The following CSNK2A1 variants were observed in gnomAD, a reference collection of about 807,000 sequenced individuals.
The protein encoded by CSNK2A1 is casein kinase 2 alpha 1.
Under a neutral mutation model 62.9 loss-of-function variants are expected in CSNK2A1, and 10 were observed. The ratio of observed to expected loss-of-function variants is 0.16; its 90% CI spans 0.10 to 0.27. CSNK2A1 has a LOEUF of 0.27. CSNK2A1 is among the 10% of genes least tolerant of loss of function. The pLI is 1.00. For missense variants in CSNK2A1, 160 were observed against 492.0 expected, an observed-to-expected ratio of 0.33 and a Z score of 6.38; for synonymous variants, 124 against 167.8, an observed-to-expected ratio of 0.74 and a Z score of 2.02.
intron 1 of CSNK2A1, among the ~76,000 whole-genome samples, chr20:533,880 G>A (rs2019261343): frequency 6.6e-6 from 1 of 152,182 alleles, no homozygotes; most frequent in Non-Finnish European, 1.5e-5. Context: ...ACACCTAAGA[G>A]AAATCGGAAT....
chr20:504,701 C>T (rs1207375475), intron 4 of CSNK2A1: 11 of 165,522 alleles, frequency 6.6e-5, no homozygotes, highest in Non-Finnish European at 1.3e-5. Context: ...TAAGCAAGGG[C>T]AATTACACCC....
At chr20:512,099 G>A (rs2018734711) in intron 2 of CSNK2A1, among the ~76,000 whole-genome samples, 1 of 152,074 alleles carries the variant, frequency 6.6e-6, no homozygotes, top group South Asian at 2.1e-4. Flanking sequence ...CTTATGCCCA[G>A]GCTGGTCTTG....
chr20:521,792 T>C (rs916756846), intron 2 of CSNK2A1, among the ~76,000 whole-genome samples: 4 of 152,234 alleles, frequency 2.6e-5, no homozygotes, highest in Non-Finnish European at 5.9e-5. Context: ...TCTCGCTTTG[T>C]TGCCCAGGCT....
chr20:510,173 CTT>C (rs1291875716), intron 2 of CSNK2A1: 28 of 137,070 alleles, frequency 2.0e-4, no homozygotes, highest in Non-Finnish European at 2.2e-4. Flanking sequence ...TATACCTATT[CTT>C]TTTTTTTTTT....
intron 2 of CSNK2A1, among the ~76,000 whole-genome samples, chr20:519,315 CCCAGAAGCAATCAGACACAATCAAATT>C (rs1479349000): frequency 3.3e-5 from 5 of 152,146 alleles, no homozygotes; most frequent in Non-Finnish European, 7.4e-5. Context: ...TTGAAAATAT[CCCAGAAGCAATCAGACACAATCAAATT>C]CCAGAAGCAA....
rs1277387258 is a variant in CSNK2A1 at position 473,020 on chromosome 20, A to T, written c.*10941T>A. On this transcript the variant is annotated 3_prime_UTR_variant, in exon 14 of 14. Transcript: ENST00000217244. ...AAGACCTTGTCTCTAAAAAGTAAAT[A>T]AAAAAAAGAGTTGGGCTAGGTTTGA... 3.3e-5 allele frequency: 5 copies of T among 152,170 alleles called. No homozygotes were observed. The highest frequency in any genetic ancestry group is 4.1e-4 in the South Asian group (2 of 4,824). The allele number at this position is 152,170 out of a possible 1,614,324, so 9.4% of individuals were successfully genotyped here. A position where few individuals can be genotyped will look rare whatever the true frequency, so the allele number is the denominator to read the frequency against.
chr20:491,649 C>G (rs948275119), intron 9 of CSNK2A1, among the ~76,000 whole-genome samples: 2 of 152,080 alleles, frequency 1.3e-5, no homozygotes, highest in Admixed American at 1.3e-4. Flanking sequence ...CCAGCCTGGG[C>G]AACAGAGCAA....
At chr20:489,948 T>A in intron 9 of CSNK2A1, 67 bp from the exon 10 acceptor site, 7 of 1,272,930 alleles carry the variant, frequency 5.5e-6, no homozygotes, top group South Asian at 1.9e-5. Flanking sequence ...AAATAAAAAA[T>A]TAATTTTTAA....
chr20:492,794 A>G (rs1210879107), intron 8 of CSNK2A1: 4 of 162,474 alleles, frequency 2.5e-5, no homozygotes, highest in Admixed American at 2.4e-4. Context: ...TATGGACGAC[A>G]AGCTCCTTAG....
chr20:540,622 C>T (rs941018225), intron 1 of CSNK2A1, among the ~76,000 whole-genome samples: 22 of 152,310 alleles, frequency 1.4e-4, no homozygotes, highest in Middle Eastern at 3.4e-3. Flanking sequence ...GCAGCCTTGA[C>T]TTCCTGGGCT....
At chr20:523,928 G>A (rs1407772797) in intron 2 of CSNK2A1, among the ~76,000 whole-genome samples, 1 of 151,176 alleles carries the variant, frequency 6.6e-6, no homozygotes. Context: ...ATTAGGGGTG[G>A]GAGGCTAGGT....
chr20:533,214 A>G (rs573415619), intron 1 of CSNK2A1, among the ~76,000 whole-genome samples: 1 of 152,258 alleles, frequency 6.6e-6, no homozygotes, highest in South Asian at 2.1e-4. Context: ...TATACAATGA[A>G]TAAGAAAACT....
intron 2 of CSNK2A1, among the ~76,000 whole-genome samples, chr20:521,517 A>G (rs1341300250): frequency 6.6e-6 from 1 of 152,230 alleles, no homozygotes; most frequent in Non-Finnish European, 1.5e-5. Flanking sequence ...AGAGTTAAAC[A>G]TGTACTTAAG....
intron 1 of CSNK2A1, among the ~76,000 whole-genome samples, chr20:537,822 T>C (rs534365924): frequency 6.6e-6 from 1 of 152,362 alleles, no homozygotes; most frequent in African/African-American, 2.4e-5. Context: ...AGTATCACAT[T>C]ATTTATTACC....
chr20:520,440 T>G (rs1020024306), intron 2 of CSNK2A1, among the ~76,000 whole-genome samples: 2 of 152,104 alleles, frequency 1.3e-5, no homozygotes, highest in Admixed American at 1.3e-4. Flanking sequence ...CAATTAATTT[T>G]TGACAAAGGT....
chr20:485,089 A>T lies in CSNK2A1; in HGVS notation c.1061-1013T>A, dbSNP rs1318060267. ...TCCAAAAAAAAAAAAAAAAAAAAAA[A>T]AAAAAAAAAAAAAAAAAAAAATATA... On this transcript the variant is annotated intron_variant, in intron 13 of 13. Coordinates refer to ENST00000217244, the MANE Select transcript of CSNK2A1 (RefSeq NM_177559.3). Among the ~76,000 whole-genome samples, 16 of 36,700 alleles carry T rather than the reference A, an allele frequency of 4.4e-4. 1 individual carries two copies. The highest frequency in any genetic ancestry group is 1.2e-3 in the African/African-American group (13 of 10,520). The allele number at this position is 36,700 out of a possible 152,430, so 24.1% of individuals were successfully genotyped here.
chr20:499,057 T>C lies in CSNK2A1; in HGVS notation c.366+198A>G. The C allele has an allele frequency of 2.8e-6, 1 of 362,488 alleles. No homozygotes were observed. Among genetic ancestry groups the C allele is most frequent in the Non-Finnish European group, 5.0e-6 (1 of 201,220 alleles). 22.5% of individuals were successfully genotyped at this position (362,488 alleles called of 1,614,324 possible). A position where few individuals can be genotyped will look rare whatever the true frequency, so the allele number is the denominator to read the frequency against. ...AATGTGTTGGTCATTAAAAAGAACATTAAACAAATGGGCAAAATATCAAGA... is the reference window on the plus strand; with the variant it reads ...AATGTGTTGGTCATTAAAAAGAACACTAAACAAATGGGCAAAATATCAAGA... On this transcript the variant is annotated intron_variant, in intron 6 of 13. Coordinates refer to ENST00000217244, the MANE Select transcript of CSNK2A1 (RefSeq NM_177559.3). The surrounding 1 kb of genome is among the most constrained non-coding windows in gnomAD (Gnocchi z 4.2).
chr20:517,926 G>A (rs1330421540), intron 2 of CSNK2A1, among the ~76,000 whole-genome samples: 2 of 152,160 alleles, frequency 1.3e-5, no homozygotes, highest in Non-Finnish European at 2.9e-5. Context: ...AAAACAAACA[G>A]TATCATTAAT....
Position 477,861 on chromosome 20 carries a change from C to G in CSNK2A1, c.*6100G>C, listed in dbSNP as rs1370045139. 6.6e-6 allele frequency: 1 copy of G among 151,788 alleles called. No homozygotes were observed. The highest frequency in any genetic ancestry group is 2.4e-5 in the African/African-American group (1 of 41,060). 9.4% of individuals were successfully genotyped at this position (151,788 alleles called of 1,614,324 possible). A position where few individuals can be genotyped will look rare whatever the true frequency, so the allele number is the denominator to read the frequency against. On this transcript the variant is annotated 3_prime_UTR_variant, in exon 14 of 14. Transcript: ENST00000217244. ...ACAAAATTAGCTGGGCGTGGTGGTG[C>G]ATGTAATCCCATGCCTGTCTCAAAA...
Sources: allele counts gnomAD v4.1 joint callset (sites outside exome capture counted in the v4.1 genomes callset), GRCh38; gene constraint gnomAD v4.1.1; non-coding constraint Gnocchi (gnomAD v3.1); transcripts MANE v1.5; gene names NCBI Gene and HGNC (gene_info 2026-07-23, HGNC 2026-07-21).